The following ABRAXAS2 variants were observed in gnomAD, a reference collection of about 807,000 sequenced individuals.
ABRAXAS2 encodes abraxas 2, BRISC complex subunit, also known as BRISC complex subunit Abraxas 2.
A neutral mutation model predicts 49.0 loss-of-function variants in ABRAXAS2; 23 were observed. That is an observed-to-expected ratio of 0.47 (90% CI 0.34 to 0.66). The LOEUF (loss-of-function observed/expected upper bound fraction) is 0.66. Among genes scored for constraint, ABRAXAS2 ranks in the 30% least tolerant of loss-of-function variants. ABRAXAS2 has a pLI of 0.01. For synonymous variants in ABRAXAS2, 168 were observed against 180.2 expected (o/e 0.93, Z 0.54); for missense variants, 443 against 511.9 (o/e 0.87, Z 1.30).
At chr10:124,830,226 C>T (rs927612156) in intron 7 of ABRAXAS2, among the ~76,000 whole-genome samples, 2 of 152,158 alleles carry the variant, frequency 1.3e-5, no homozygotes, top group African/African-American at 4.8e-5. Flanking sequence ...AAGAGGGTCG[C>T]TTGAGCCAAG....
chr10:124,829,827 C>A (rs1442033816), intron 7 of ABRAXAS2, among the ~76,000 whole-genome samples: 2 of 152,222 alleles, frequency 1.3e-5, no homozygotes, highest in Non-Finnish European at 2.9e-5. Context: ...GCAGCCATAA[C>A]TGGTTGCATC....
chr10:124,802,418 G>C (rs1282369908), intron 1 of ABRAXAS2, among the ~76,000 whole-genome samples: 1 of 152,208 alleles, frequency 6.6e-6, no homozygotes, highest in Non-Finnish European at 1.5e-5. Context: ...TCTTCGCCCT[G>C]ATGCAAAATG....
Position 124,832,377 on chromosome 10 carries a change from T to C in ABRAXAS2, c.778+914T>C, listed in dbSNP as rs781452196. On this transcript the variant is annotated intron_variant, in intron 8 of 8. Coordinates refer to ENST00000298492, the MANE Select transcript of ABRAXAS2 (RefSeq NM_032182.4). ...TGCTGTAACACCACCAGAATTAATA[T>C]CTGTGTGTAAAATTTATAAATGTAT... 1.5e-4 allele frequency among the ~76,000 whole-genome samples: 23 copies of C among 152,278 alleles called. 1 individual carries two copies. The highest frequency in any genetic ancestry group is 3.2e-4 in the Non-Finnish European group (22 of 68,008).
In ABRAXAS2 at chr10:124,819,443, G is replaced by A. The variant is rs377610141; in HGVS notation, c.260G>A (p.Arg87Gln). ...EESLDRILKD[R>Q]RKKVIGWYRF... The stretch of plus-strand genomic sequence containing the variant: ...AGTTTGGACAGGATTCTTAAAGATC[G>A]GAGAAAGGTATGTTCTGTTTGTTGC... Residue 87 changes from arginine (R) to glutamine (Q), a missense_variant, in exon 4 of 9, where the codon CGG (arginine) becomes CAG (glutamine). Transcript: ENST00000298492. 7.4e-6 allele frequency: 12 copies of A among 1,613,726 alleles called. No homozygotes were observed. The highest frequency in any genetic ancestry group is 1.1e-5 in the South Asian group (1 of 91,072).
Position 124,816,622 on chromosome 10 carries a change from A to G in ABRAXAS2, c.200+10A>G, listed in dbSNP as rs200856912. The G allele has an allele frequency of 1.5e-4, 233 of 1,594,278 alleles. 2 individuals carry two copies. The highest frequency in any genetic ancestry group is 8.7e-4 in the South Asian group (79 of 90,476). On this transcript the variant is annotated intron_variant, in intron 3 of 8. Transcript: ENST00000298492. ...GTTCAAAACTTTTTAGGTAAGCCAT[A>G]TGTAAGCTTTTAGTCCTTACTAAAA...
At chr10:124,819,472 G>T in intron 4 of ABRAXAS2, 22 bp downstream of exon 4, 2 of 1,606,468 alleles carry the variant, frequency 1.2e-6, no homozygotes, top group African/African-American at 1.3e-5. Context: ...TTGTTGCCCA[G>T]TATGATTCTG....
chr10:124,834,935 C>T lies in ABRAXAS2; in HGVS notation c.1212C>T (p.Asp404=), dbSNP rs541113579. 7.6e-4 allele frequency: 1,219 copies of T among 1,613,326 alleles called. 13 individuals are homozygous for T. The South Asian group carries it at 0.012, about 16-fold the overall frequency. The change falls in exon 9 of 9, where the codon GAC becomes GAT. Residue 404 remains aspartate, a synonymous_variant. Transcript: ENST00000298492. ...SKDSRPMAHP[D]EDPRNTQTSQ... Reference sequence around the variant, plus strand: ...ATTCTCGACCCATGGCACATCCCGACGAGGACCCCAGGAACACTCAGACCT... The same window carrying T: ...ATTCTCGACCCATGGCACATCCCGATGAGGACCCCAGGAACACTCAGACCT...
chr10:124,834,956 G>T lies in ABRAXAS2; in HGVS notation c.1233G>T (p.Gln411His). Residue 411 changes from glutamine (Q) to histidine (H), a missense_variant, in exon 9 of 9, where the codon CAG becomes CAT. Coordinates refer to ENST00000298492, the MANE Select transcript of ABRAXAS2 (RefSeq NM_032182.4). ...CCGACGAGGACCCCAGGAACACTCA[G>T]ACCTCCCAGATTTAACTAAACAAAA... ...AHPDEDPRNT[Q>H]TSQI 1 of 1,603,708 alleles carries T rather than the reference G, an allele frequency of 6.2e-7. No individual in the cohort carries two copies. The highest frequency in any genetic ancestry group is 1.1e-5 in the South Asian group (1 of 89,414).
chr10:124,802,248 G>C (rs1205747765), intron 1 of ABRAXAS2, among the ~76,000 whole-genome samples: 2 of 152,128 alleles, frequency 1.3e-5, no homozygotes, highest in Non-Finnish European at 1.5e-5. Context: ...CTAGACTTAA[G>C]AGGGGCGCAC....
chr10:124,812,005 G>A (rs747668577), intron 2 of ABRAXAS2, among the ~76,000 whole-genome samples: 8 of 152,182 alleles, frequency 5.3e-5, no homozygotes, highest in South Asian at 2.1e-4. Flanking sequence ...TTGAACTCCC[G>A]ACCTTGGGTG....
At chr10:124,812,301 A>G (rs1011565868) in intron 2 of ABRAXAS2, among the ~76,000 whole-genome samples, 15 of 152,180 alleles carry the variant, frequency 9.9e-5, no homozygotes, top group African/African-American at 3.6e-4. Context: ...CTCATGGACA[A>G]AACGTTTACT....
chr10:124,812,765 A>C (rs971741208), intron 2 of ABRAXAS2, among the ~76,000 whole-genome samples: 8 of 152,188 alleles, frequency 5.3e-5, no homozygotes, highest in African/African-American at 1.9e-4. Flanking sequence ...GTATAAAGAG[A>C]TTTTCTGGCA....
chr10:124,834,875 A>G lies in ABRAXAS2; in HGVS notation c.1152A>G (p.Thr384=). Residue 384 remains threonine, a synonymous_variant, in exon 9 of 9, where the codon ACA becomes ACG. Transcript: ENST00000298492. ...ATTATGAAAATTTGATTGACCCTACAGAGCCTTCTAATAGTGAATACTCAC... is the reference window on the plus strand; with the variant it reads ...ATTATGAAAATTTGATTGACCCTACGGAGCCTTCTAATAGTGAATACTCAC... ...DSDYENLIDP[T]EPSNSEYSHS... 1 of 1,614,160 alleles carries G rather than the reference A, an allele frequency of 6.2e-7. No homozygotes were observed. The highest frequency in any genetic ancestry group is 8.5e-7 in the Non-Finnish European group (1 of 1,180,028).
chr10:124,829,380 GT>G lies in ABRAXAS2; in HGVS notation c.579-10del. The G allele has an allele frequency of 1.3e-6, 2 of 1,584,664 alleles. No homozygotes were observed. Among genetic ancestry groups the G allele is most frequent in the Non-Finnish European group, 1.7e-6 (2 of 1,158,680 alleles). On this transcript the variant is annotated splice_polypyrimidine_tract_variant and intron_variant, in intron 6 of 8. Transcript: ENST00000298492. ...GATAACCTTGAGGCATCTTTTTTCT[GT>G]TTGTCTTCCAGTACTGACTTTTTTG...
chr10:124,823,151 C>A (rs1232087558), intron 4 of ABRAXAS2, among the ~76,000 whole-genome samples: 1 of 151,994 alleles, frequency 6.6e-6, no homozygotes, highest in African/African-American at 2.4e-5. Context: ...AAAGTATGAA[C>A]TCTGTAAGGA....
At chr10:124,825,982 A>G (rs1218601875) in intron 4 of ABRAXAS2, among the ~76,000 whole-genome samples, 1 of 152,234 alleles carries the variant, frequency 6.6e-6, no homozygotes, top group Non-Finnish European at 1.5e-5. Flanking sequence ...AAATCACATT[A>G]TGAGAAGTAT....
At chr10:124,816,100 A>G (rs1293179365) in intron 2 of ABRAXAS2, among the ~76,000 whole-genome samples, 2 of 151,834 alleles carry the variant, frequency 1.3e-5, no homozygotes, top group African/African-American at 2.4e-5. Flanking sequence ...ACGGGGTTTC[A>G]CCATGTTGGC....
chr10:124,807,094 C>T (rs1347682463), intron 2 of ABRAXAS2, among the ~76,000 whole-genome samples, 173 bp downstream of exon 2: 3 of 151,714 alleles, frequency 2.0e-5, no homozygotes, highest in Non-Finnish European at 2.9e-5. Context: ...GGGCGGATCA[C>T]GAGGTCAGGA....
chr10:124,830,954 T>C (rs1376610596), intron 7 of ABRAXAS2, among the ~76,000 whole-genome samples: 1 of 152,240 alleles, frequency 6.6e-6, no homozygotes, highest in East Asian at 1.9e-4. Context: ...AATTGTCTTA[T>C]CTGATTTTTT....
Sources: gnomAD v4.1 joint callset for allele counts (sites outside exome capture counted in the v4.1 genomes callset) on GRCh38, gnomAD v4.1.1 for gene constraint, MANE v1.5 for transcripts, NCBI Gene and HGNC (gene_info 2026-07-23, HGNC 2026-07-21) for gene names.